BICD1: variants seen among roughly 807,000 people sequenced by gnomAD.
BICD1 encodes the protein BICD cargo adaptor 1, also known as protein bicaudal D homolog 1.
A neutral mutation model predicts 92.5 loss-of-function variants in BICD1; 35 were observed. The observed-to-expected ratio is 0.38, with a 90% CI of 0.29 to 0.50. The LOEUF (loss-of-function observed/expected upper bound fraction) is 0.50, where lower values mean the gene tolerates loss of function less well. BICD1 is among the 20% of genes least tolerant of loss of function. The pLI is 0.93. For missense variants in BICD1, 950 were observed against 1,189.8 expected, an observed-to-expected ratio of 0.80 and a Z score of 2.97; for synonymous variants, 429 against 465.1, an observed-to-expected ratio of 0.92 and a Z score of 1.00.
At chr12:32,329,751 T>C (rs1329251975) in intron 5 of BICD1, among the ~76,000 whole-genome samples, 2 of 152,218 alleles carry the variant, frequency 1.3e-5, no homozygotes, top group East Asian at 3.9e-4. Context: ...CAAGTAGTAA[T>C]GTTACAACAT....
rs764526696 is a variant in BICD1, at chr12:32,294,013, T to C, written c.446T>C (p.Leu149Pro). 1.2e-6 allele frequency: 2 copies of C among 1,613,158 alleles called. No individual in the cohort carries two copies. Among genetic ancestry groups the C allele is most frequent in the Non-Finnish European group, 1.7e-6 (2 of 1,179,788 alleles). ...DLKENNEMVE[L>P]QRIRMKDEIR... is the part of the protein sequence containing the mutation. ...TTTCAGAACAATGAGATGGTGGAGC[T>C]ACAGAGAATACGGATGAAGGATGAA... Residue 149 changes from leucine (L) to proline (P), a missense_variant, in exon 3 of 10, where the codon CTA (leucine) becomes CCA (proline). Transcript: ENST00000652176.
intron 2 of BICD1, among the ~76,000 whole-genome samples, chr12:32,282,579 T>A (rs753296): frequency 0.62 from 94,224 of 151,784 alleles, 30,259 homozygotes; most frequent in Middle Eastern, 0.77. Context: ...GATTTGAGAA[T>A]CATCAGCACG....
rs1209956649 is a variant in BICD1, at chr12:32,346,586, GTATATATATA to G, written c.2764+7624_2764+7633del. On this transcript the variant is annotated intron_variant, in intron 8 of 9. Coordinates refer to ENST00000652176, the MANE Select transcript of BICD1 (RefSeq NM_001714.4). The stretch of plus-strand genomic sequence containing the variant: ...TATATATATATATATATATATACGT[GTATATATATA>G]TATATATATATATATACGTGTATAT... Among the ~76,000 whole-genome samples the G allele has an allele frequency of 2.8e-3, 29 of 10,348 alleles. 5 individuals carry two copies. The highest frequency in any genetic ancestry group is 5.6e-3 in the Non-Finnish European group (19 of 3,398). The allele number at this position is 10,348 out of a possible 152,430, so 6.8% of individuals were successfully genotyped here. A position where few individuals can be genotyped will look rare whatever the true frequency, so the allele number is the denominator to read the frequency against.
At chr12:32,282,762 C>T (rs771237026) in intron 2 of BICD1, among the ~76,000 whole-genome samples, 2 of 152,068 alleles carry the variant, frequency 1.3e-5, no homozygotes, top group Non-Finnish European at 2.9e-5. Context: ...GTCTGGGAAG[C>T]CACACGAGAA....
At chr12:32,188,872 C>T (rs572092929) in intron 1 of BICD1, among the ~76,000 whole-genome samples, 17 of 152,078 alleles carry the variant, frequency 1.1e-4, no homozygotes, top group South Asian at 4.2e-4. Context: ...GGACTACAGG[C>T]GCCCACTACC....
At chr12:32,117,864 C>T (rs1361730168) in intron 1 of BICD1, among the ~76,000 whole-genome samples, 2 of 149,816 alleles carry the variant, frequency 1.3e-5, no homozygotes, top group African/African-American at 4.9e-5. Context: ...AATTCTCCTG[C>T]CTCAGGCTCC....
At chr12:32,160,389 C>T (rs1943564501) in intron 1 of BICD1, among the ~76,000 whole-genome samples, 1 of 152,062 alleles carries the variant, frequency 6.6e-6, no homozygotes, top group African/African-American at 2.4e-5. Flanking sequence ...GCTAAGCTAG[C>T]TTAAAAATTC....
intron 2 of BICD1, among the ~76,000 whole-genome samples, chr12:32,255,357 C>G (rs1946688013): frequency 6.6e-6 from 1 of 152,052 alleles, no homozygotes; most frequent in African/African-American, 2.4e-5. Flanking sequence ...TTTGGGGGAA[C>G]TCAAACATTC....
intron 5 of BICD1, among the ~76,000 whole-genome samples, chr12:32,333,678 CTG>C (rs1394446836): frequency 6.6e-6 from 1 of 152,188 alleles, no homozygotes; most frequent in East Asian, 1.9e-4. Context: ...AACATGCAAA[CTG>C]TGTGCTATGC....
chr12:32,364,602 A>G lies in BICD1; in HGVS notation c.2765-3068A>G, dbSNP rs558618870. 3.9e-5 allele frequency among the ~76,000 whole-genome samples: 6 copies of G among 152,278 alleles called. No homozygotes were observed. In the South Asian group the frequency reaches 1.2e-3, roughly 32 times the overall value. On this transcript the variant is annotated intron_variant, in intron 8 of 9. Coordinates refer to ENST00000652176, the MANE Select transcript of BICD1 (RefSeq NM_001714.4). ...ATTTTATCTATGAAATTTGTTTTTT[A>G]TTCTTTAAGGATAACACGTAGCTAA...
At position 32,328,124 on chromosome 12, in the gene BICD1, G is replaced by A. The variant is rs1431510952; in HGVS notation, c.1669G>A (p.Gly557Arg). ...CCTGAAAGGGCCCGATGATCCCAGAGGACTTTTGTCCCCACGATTAGCCAG... is the reference window on the plus strand; with the variant it reads ...CCTGAAAGGGCCCGATGATCCCAGAAGACTTTTGTCCCCACGATTAGCCAG... ...GSLKGPDDPR[G>R]LLSPRLARRG... Residue 557 changes from glycine to arginine, a missense_variant, in exon 5 of 10, where the codon GGA (glycine) becomes AGA (arginine). This residue lies in a region of BICD1 where 309 missense variants were observed against 499.4 expected (regional missense o/e 0.62). Transcript: ENST00000652176. The surrounding 1 kb of genome is among the most constrained non-coding windows in gnomAD (Gnocchi z 4.4). 6 of 1,614,126 alleles carry A rather than the reference G, an allele frequency of 3.7e-6. No individual in the cohort carries two copies. The highest frequency in any genetic ancestry group is 4.2e-6 in the Non-Finnish European group (5 of 1,180,008).
chr12:32,249,602 A>C (rs1946475747), intron 2 of BICD1, among the ~76,000 whole-genome samples: 1 of 152,010 alleles, frequency 6.6e-6, no homozygotes, highest in Non-Finnish European at 1.5e-5. Flanking sequence ...AGCCTAAGTT[A>C]AAATGCTCTG....
At chr12:32,289,169 A>G (rs1383637255) in intron 2 of BICD1, among the ~76,000 whole-genome samples, 3 of 152,192 alleles carry the variant, frequency 2.0e-5, no homozygotes, top group African/African-American at 7.2e-5. Context: ...AGGTAGGGCC[A>G]GATCATGTGA....
At position 32,296,382 on chromosome 12, in the gene BICD1, C is replaced by T. The variant is rs374257659; in HGVS notation, c.579+2236C>T. Among the ~76,000 whole-genome samples the T allele has an allele frequency of 1.8e-4, 27 of 151,114 alleles. No homozygotes were observed. The East Asian group carries it at 3.5e-3, about 20-fold the overall frequency. On this transcript the variant is annotated intron_variant, in intron 3 of 9. Transcript: ENST00000652176. ...AAGCGATTCTCCTGCCTCAGCCTCCCGAGTAGCTGGGACTACATGCATGTA... is the reference window on the plus strand; with the variant it reads ...AAGCGATTCTCCTGCCTCAGCCTCCTGAGTAGCTGGGACTACATGCATGTA...
At chr12:32,206,613 A>G (rs1347391888) in intron 1 of BICD1, among the ~76,000 whole-genome samples, 2 of 152,364 alleles carry the variant, frequency 1.3e-5, no homozygotes, top group East Asian at 3.9e-4. Context: ...CTCAAAAAAA[A>G]GAAAGAAGGA....
chr12:32,151,837 C>G (rs1207450469), intron 1 of BICD1, among the ~76,000 whole-genome samples: 1 of 152,196 alleles, frequency 6.6e-6, no homozygotes, highest in Admixed American at 6.5e-5. Context: ...TTCCCTACCC[C>G]CAGTTTCCCT....
chr12:32,194,547 C>G (rs1162657743), intron 1 of BICD1, among the ~76,000 whole-genome samples: 1 of 152,042 alleles, frequency 6.6e-6, no homozygotes, highest in Non-Finnish European at 1.5e-5. Context: ...TGACAACTAA[C>G]CAGAAATTAA....
At chr12:32,282,308 C>T (rs536904665) in intron 2 of BICD1, among the ~76,000 whole-genome samples, 3 of 146,828 alleles carry the variant, frequency 2.0e-5, no homozygotes, top group East Asian at 4.2e-4. Context: ...ATAGCCTCCA[C>T]CTCCTGGACT....
intron 1 of BICD1, among the ~76,000 whole-genome samples, chr12:32,155,682 A>G (rs1854675990): frequency 6.6e-6 from 1 of 152,256 alleles, no homozygotes; most frequent in African/African-American, 2.4e-5. Flanking sequence ...CCTGAAAGAA[A>G]AAAAGGGAAA....
Sources: gnomAD v4.1 joint callset for allele counts (sites outside exome capture counted in the v4.1 genomes callset) on GRCh38, gnomAD v4.1.1 for gene constraint, gnomAD v4.1.1 regional missense constraint, Gnocchi (gnomAD v3.1) non-coding constraint, MANE v1.5 for transcripts, NCBI Gene and HGNC (gene_info 2026-07-23, HGNC 2026-07-21) for gene names.